Variants in FAM20C observed in about 807,000 individuals in gnomAD.
The protein encoded by FAM20C is FAM20C golgi associated secretory pathway kinase, also known as extracellular serine/threonine protein kinase FAM20C.
Under a neutral mutation model 51.5 loss-of-function variants are expected in FAM20C, and 40 were observed. The observed-to-expected ratio is 0.78, with a 90% confidence interval of 0.60 to 1.01. FAM20C has a LOEUF of 1.01. Ranked by LOEUF, FAM20C falls within the 50% of genes least tolerant of loss-of-function variation. FAM20C has a pLI of 0.00. For synonymous variants in FAM20C, 406 were observed against 380.6 expected (o/e 1.07, Z -0.78); for missense variants, 861 against 844.7 (o/e 1.02, Z -0.24).
chr7:199,389 C>T (rs989287980), intron 2 of FAM20C, among the ~76,000 whole-genome samples: 6 of 152,244 alleles, frequency 3.9e-5, no homozygotes, highest in Middle Eastern at 3.2e-3. Flanking sequence ...CGCTCCACAG[C>T]GAGGGAAACC....
chr7:226,655 C>G (rs568794852), intron 3 of FAM20C, among the ~76,000 whole-genome samples: 2 of 152,276 alleles, frequency 1.3e-5, no homozygotes, highest in South Asian at 4.1e-4. Context: ...ACGACAGGCC[C>G]GAATCCGCCC....
rs1288638106 is a variant in FAM20C at position 256,085 on chromosome 7, G to A, written c.1253+56G>A. 3 of 1,517,742 alleles carry A rather than the reference G, an allele frequency of 2.0e-6. No individual in the cohort carries two copies. The African/African-American group carries it at 4.2e-5, about 21-fold the overall frequency. The allele number at this position is 1,517,742 out of a possible 1,614,324, so 94.0% of individuals were successfully genotyped here. ...GCCACCCTACGGCAGAGGGAGCTGGGCCTGGGCGGGCATGGGAGGGTCGGC... is the reference window on the plus strand; with the variant it reads ...GCCACCCTACGGCAGAGGGAGCTGGACCTGGGCGGGCATGGGAGGGTCGGC... On this transcript the variant is annotated intron_variant, in intron 6 of 9. Coordinates refer to ENST00000313766, the MANE Select transcript of FAM20C (RefSeq NM_020223.4).
At chr7:203,913 T>C (rs1006625246) in intron 2 of FAM20C, among the ~76,000 whole-genome samples, 1 of 152,316 alleles carries the variant, frequency 6.6e-6, no homozygotes, top group African/African-American at 2.4e-5. Flanking sequence ...CTAATGGAAA[T>C]GGGGGCATCA....
chr7:237,297 G>A (rs995214446), intron 3 of FAM20C, among the ~76,000 whole-genome samples: 5 of 152,340 alleles, frequency 3.3e-5, no homozygotes, highest in African/African-American at 1.2e-4. Flanking sequence ...CAGAGGAGTA[G>A]GCAGGGGAAG....
At chr7:196,594 C>T (rs1202401532) in intron 2 of FAM20C, among the ~76,000 whole-genome samples, 3 of 152,178 alleles carry the variant, frequency 2.0e-5, no homozygotes, top group Non-Finnish European at 2.9e-5. Flanking sequence ...GCTTTCTTTG[C>T]GCTGTGTGAT....
rs868556918 is a variant in FAM20C, at chr7:218,812, C to T, written c.863+9836C>T. 4.1e-4 allele frequency among the ~76,000 whole-genome samples: 62 copies of T among 151,708 alleles called. No individual in the cohort carries two copies. In the East Asian group the frequency reaches 4.5e-3, roughly 11 times the overall value. Reference sequence around the variant, plus strand: ...GCCGGGAGCTGACACGGGCCCAGGACGCACAGATCACTCCGGTCCGGCCGG... The same window carrying T: ...GCCGGGAGCTGACACGGGCCCAGGATGCACAGATCACTCCGGTCCGGCCGG... On this transcript the variant is annotated intron_variant, in intron 3 of 9. Coordinates refer to ENST00000313766, the MANE Select transcript of FAM20C (RefSeq NM_020223.4).
intron 5 of FAM20C, among the ~76,000 whole-genome samples, chr7:248,729 G>T (rs1379494227): frequency 1.9e-4 from 29 of 148,872 alleles, no homozygotes; most frequent in Admixed American, 1.9e-3. Flanking sequence ...AGGTAGCCTG[G>T]CATGGGGAGC....
At chr7:198,345 C>G (rs1785977726) in intron 2 of FAM20C, among the ~76,000 whole-genome samples, 1 of 152,114 alleles carries the variant, frequency 6.6e-6, no homozygotes, top group Non-Finnish European at 1.5e-5. Flanking sequence ...CACCTGGTTT[C>G]TCACCGAGAA....
intron 3 of FAM20C, among the ~76,000 whole-genome samples, chr7:217,575 G>T (rs1263229233): frequency 6.6e-6 from 1 of 152,156 alleles, no homozygotes; most frequent in Non-Finnish European, 1.5e-5. Flanking sequence ...GCAGACAGCT[G>T]CCTGGTGCAG....
At chr7:256,239 C>G in intron 6 of FAM20C, 1 of 683,144 alleles carries the variant, frequency 1.5e-6, no homozygotes, top group South Asian at 2.1e-5. Flanking sequence ...CTTCCCTGAC[C>G]CGGGCCGGCC....
chr7:216,605 C>CTGTGTGTGTGTGTATGAGTG (rs1786975538), intron 3 of FAM20C, among the ~76,000 whole-genome samples: 21 of 144,932 alleles, frequency 1.4e-4, no homozygotes, highest in Admixed American at 1.4e-3. Flanking sequence ...CTGGGAGTTT[C>CTGTGTGTGTGTGTATGAGTG]TGTGTGTGTG....
intron 5 of FAM20C, among the ~76,000 whole-genome samples, chr7:250,675 A>G (rs143990808): frequency 0.026 from 3,948 of 152,216 alleles, 75 homozygotes; most frequent in Middle Eastern, 0.044. Flanking sequence ...CCCTGACCGC[A>G]CTGTCCAGCC....
At chr7:249,399 A>G (rs1439136398) in intron 5 of FAM20C, among the ~76,000 whole-genome samples, 1 of 152,266 alleles carries the variant, frequency 6.6e-6, no homozygotes, top group Non-Finnish European at 1.5e-5. Context: ...TACAGCGCAC[A>G]CATAAACACA....
chr7:195,531 T>A (rs1487135497), intron 1 of FAM20C, 23 bp from the exon 2 acceptor site: 1 of 1,506,610 alleles, frequency 6.6e-7, no homozygotes. Context: ...CATGCTGATG[T>A]TCGTCCTCGC....
chr7:200,865 G>T (rs1253516235), intron 2 of FAM20C, among the ~76,000 whole-genome samples: 1 of 152,152 alleles, frequency 6.6e-6, no homozygotes, highest in East Asian at 1.9e-4. Context: ...AGCTCTTCCA[G>T]CCCCTTACCT....
rs1788745779 is a variant in FAM20C at position 258,677 on chromosome 7, A to G, written c.1477A>G (p.Ile493Val). The G allele has an allele frequency of 6.5e-7, 1 of 1,536,686 alleles. No homozygotes were observed. The highest frequency in any genetic ancestry group is 8.7e-7 in the Non-Finnish European group (1 of 1,146,518). Residue 493 changes from isoleucine (I) to valine (V), a missense_variant, in exon 9 of 10, where the codon ATC becomes GTC. Around this residue, in one of 3 missense-constraint regions of FAM20C, gnomAD observed 269 missense variants for 283.8 expected, o/e 0.95. Transcript: ENST00000313766. ...GAAGTATTCGCACGACGAGCTCTCCATCCTGGTGCCGCTACAGCAGTGCTG... is the reference window on the plus strand; with the variant it reads ...GAAGTATTCGCACGACGAGCTCTCCGTCCTGGTGCCGCTACAGCAGTGCTG... ...FGKYSHDELSILVPLQQCCRI... is the reference protein window; with the variant it reads ...FGKYSHDELSVLVPLQQCCRI...
chr7:232,420 C>T lies in FAM20C; in HGVS notation c.864-13995C>T, dbSNP rs566848613. On this transcript the variant is annotated intron_variant, in intron 3 of 9. Coordinates refer to ENST00000313766, the MANE Select transcript of FAM20C (RefSeq NM_020223.4). Reference sequence around the variant, plus strand: ...ACAGAGCAACCCTCACACCTGCACGCGTGGCCCTGGGTCACTGCCTGCACT... The same window carrying T: ...ACAGAGCAACCCTCACACCTGCACGTGTGGCCCTGGGTCACTGCCTGCACT... Among the ~76,000 whole-genome samples, 121 of 152,328 alleles carry T rather than the reference C, an allele frequency of 7.9e-4. 1 individual carries two copies. Among genetic ancestry groups the T allele is most frequent in the African/African-American group, 2.6e-3 (109 of 41,564 alleles).
intron 2 of FAM20C, among the ~76,000 whole-genome samples, chr7:200,913 A>G (rs974430312): frequency 2.0e-5 from 3 of 152,138 alleles, no homozygotes; most frequent in Non-Finnish European, 4.4e-5. Context: ...CCTTGATGCC[A>G]GCCCCAGGGT....
chr7:217,379 TG>T (rs1787032174), intron 3 of FAM20C, among the ~76,000 whole-genome samples: 1 of 5,702 alleles, frequency 1.8e-4, no homozygotes. Flanking sequence ...AGACTGGCTG[TG>T]GGTGAGCTCC....
Sources: gnomAD v4.1 joint callset for allele counts (sites outside exome capture counted in the v4.1 genomes callset) on GRCh38, gnomAD v4.1.1 for gene constraint, gnomAD v4.1.1 regional missense constraint, MANE v1.5 for transcripts, NCBI Gene and HGNC (gene_info 2026-07-23, HGNC 2026-07-21) for gene names.